HSD17B2: variants seen among roughly 807,000 people sequenced by gnomAD.
HSD17B2 encodes hydroxysteroid 17-beta dehydrogenase 2.
Under a neutral mutation model 26.9 loss-of-function variants are expected in HSD17B2, and 32 were observed. The ratio of observed to expected loss-of-function variants is 1.19; its 90% CI spans 0.90 to 1.60. HSD17B2 has a LOEUF of 1.60. HSD17B2 is among the 40% of genes most tolerant of loss of function. HSD17B2 has a pLI of 0.00. For missense variants in HSD17B2, 613 were observed against 468.6 expected (o/e 1.31, Z -2.85); for synonymous variants, 246 against 186.7 (o/e 1.32, Z -2.59).
intron 1 of HSD17B2, among the ~76,000 whole-genome samples, chr16:82,038,172 C>A (rs1437895368): frequency 6.6e-6 from 1 of 152,084 alleles, no homozygotes; most frequent in East Asian, 1.9e-4. Context: ...CCCTTTGAGC[C>A]CTTTATTTCA....
intron 1 of HSD17B2, among the ~76,000 whole-genome samples, chr16:82,057,346 G>A (rs111972857): frequency 0.02 from 3,015 of 152,014 alleles, 97 homozygotes; most frequent in African/African-American, 0.067. Flanking sequence ...CTACAGGCGC[G>A]CACCAACATG....
At chr16:82,057,888 C>A (rs1411031133) in intron 1 of HSD17B2, among the ~76,000 whole-genome samples, 1 of 152,126 alleles carries the variant, frequency 6.6e-6, no homozygotes, top group Non-Finnish European at 1.5e-5. Context: ...TCTAAGCAGA[C>A]AGGATCACTA....
Position 82,043,406 on chromosome 16 carries a change from C to T in HSD17B2, c.265+7717C>T, listed in dbSNP as rs548837266. ...GGTTTATAAAAATCATATAGATGGCCGGGCGCGGTGGCTCATGCCTGTAAT... is the reference window on the plus strand; with the variant it reads ...GGTTTATAAAAATCATATAGATGGCTGGGCGCGGTGGCTCATGCCTGTAAT... On this transcript the variant is annotated intron_variant, in intron 1 of 4. Transcript: ENST00000199936. 5.6e-4 allele frequency among the ~76,000 whole-genome samples: 81 copies of T among 145,006 alleles called. 20 individuals carry two copies. The highest frequency in any genetic ancestry group is 2.3e-3 in the African/African-American group (78 of 34,514).
intron 3 of HSD17B2, among the ~76,000 whole-genome samples, chr16:82,079,825 T>C (rs1904334063): frequency 6.6e-6 from 1 of 152,176 alleles, no homozygotes; most frequent in South Asian, 2.1e-4. Flanking sequence ...GAAATTAACA[T>C]CCAATGTGAT....
rs141171442 is a variant in HSD17B2, at chr16:82,087,594, G to A, written c.665-3308G>A. 2.0e-3 allele frequency among the ~76,000 whole-genome samples: 302 copies of A among 152,318 alleles called. 3 individuals carry two copies. The highest frequency in any genetic ancestry group is 6.9e-3 in the African/African-American group (288 of 41,568). ...GTCTTAAATGTTTGATTCAAAGCAT[G>A]CTTTTTGTTTAGATTGTCAATGTGG... is the stretch of plus-strand genomic sequence containing the variant. On this transcript the variant is annotated intron_variant, in intron 3 of 4. Coordinates refer to ENST00000199936, the MANE Select transcript of HSD17B2 (RefSeq NM_002153.3).
chr16:82,069,884 G>C (rs556706968), intron 2 of HSD17B2, among the ~76,000 whole-genome samples: 1 of 152,134 alleles, frequency 6.6e-6, no homozygotes, highest in Non-Finnish European at 1.5e-5. Context: ...ACCAGGCCCT[G>C]TGTGACTGAA....
chr16:82,086,306 T>C (rs1200327021), intron 3 of HSD17B2, among the ~76,000 whole-genome samples: 1 of 151,922 alleles, frequency 6.6e-6, no homozygotes, highest in African/African-American at 2.4e-5. Flanking sequence ...TTACAAAGAG[T>C]GAAGTACTGA....
chr16:82,042,270 G>A (rs896121862), intron 1 of HSD17B2, among the ~76,000 whole-genome samples: 3 of 151,750 alleles, frequency 2.0e-5, no homozygotes, highest in African/African-American at 2.4e-5. Flanking sequence ...CTCCCAAAGC[G>A]CTGGGATTAC....
At chr16:82,063,785 G>T (rs1914507235) in intron 1 of HSD17B2, among the ~76,000 whole-genome samples, 2 of 152,168 alleles carry the variant, frequency 1.3e-5, no homozygotes, top group African/African-American at 4.8e-5. Flanking sequence ...AAGAGGAGTT[G>T]TCTGCTGGCT....
At chr16:82,077,120 C>T (rs1002691893) in intron 3 of HSD17B2, among the ~76,000 whole-genome samples, 1 of 152,100 alleles carries the variant, frequency 6.6e-6, no homozygotes, top group African/African-American at 2.4e-5. Flanking sequence ...CAATGCAATC[C>T]ATATCCAAAT....
chr16:82,039,902 G>C (rs1348952778), intron 1 of HSD17B2, among the ~76,000 whole-genome samples: 1 of 152,120 alleles, frequency 6.6e-6, no homozygotes, highest in Admixed American at 6.5e-5. Context: ...CATTCCCAAA[G>C]CGGATCCCAG....
intron 1 of HSD17B2, among the ~76,000 whole-genome samples, chr16:82,049,258 G>C (rs948774140): frequency 3.9e-5 from 6 of 152,154 alleles, no homozygotes; most frequent in Non-Finnish European, 7.4e-5. Context: ...CATGCTACAG[G>C]TATTGAGTGT....
At chr16:82,065,483 T>C (rs1469287206) in intron 1 of HSD17B2, among the ~76,000 whole-genome samples, 1 of 152,172 alleles carries the variant, frequency 6.6e-6, no homozygotes, top group Non-Finnish European at 1.5e-5. Context: ...TTAAAATCCA[T>C]GGCCCCCATA....
chr16:82,088,940 C>T (rs1278613627), intron 3 of HSD17B2, among the ~76,000 whole-genome samples: 1 of 152,146 alleles, frequency 6.6e-6, no homozygotes, highest in African/African-American at 2.4e-5. Flanking sequence ...TACTAGCTCA[C>T]CAATTGTCTG....
chr16:82,039,130 G>A (rs567175236), intron 1 of HSD17B2, among the ~76,000 whole-genome samples: 1 of 152,110 alleles, frequency 6.6e-6, no homozygotes, highest in African/African-American at 2.4e-5. Flanking sequence ...GAGGGTTCTG[G>A]GGGAATAGCA....
chr16:82,069,220 C>T (rs1344303539), intron 2 of HSD17B2, among the ~76,000 whole-genome samples: 2 of 152,196 alleles, frequency 1.3e-5, no homozygotes, highest in Admixed American at 6.5e-5. Flanking sequence ...CAGCTCCACC[C>T]ATGTCCCTGC....
intron 4 of HSD17B2, 80 bp from the exon 5 acceptor site, chr16:82,097,995 T>C: frequency 7.0e-7 from 1 of 1,428,888 alleles, no homozygotes; most frequent in Non-Finnish European, 9.4e-7. Flanking sequence ...AGGGCCATCC[T>C]TCCCAACAGA....
chr16:82,054,030 A>C (rs1483839900), intron 1 of HSD17B2, among the ~76,000 whole-genome samples: 3 of 152,162 alleles, frequency 2.0e-5, no homozygotes, highest in Non-Finnish European at 4.4e-5. Flanking sequence ...GACCTAAGGC[A>C]GGTCTATCCA....
At chr16:82,087,537 G>C (rs529903892) in intron 3 of HSD17B2, among the ~76,000 whole-genome samples, 4 of 152,288 alleles carry the variant, frequency 2.6e-5, no homozygotes, top group African/African-American at 9.6e-5. Context: ...GGCAGTTCTT[G>C]CAGGGTTCAA....
Sources: gnomAD v4.1 joint callset for allele counts (sites outside exome capture counted in the v4.1 genomes callset) on GRCh38, gnomAD v4.1.1 for gene constraint, MANE v1.5 for transcripts, NCBI Gene and HGNC (gene_info 2026-07-23, HGNC 2026-07-21) for gene names.